NBAS: variants seen among roughly 807,000 people sequenced by gnomAD.
NBAS encodes the protein NBAS subunit of NRZ tethering complex.
NBAS carries 219 observed loss-of-function variants against 302.5 expected under a neutral mutation model. The observed-to-expected ratio is 0.72, with a 90% CI of 0.65 to 0.81. The LOEUF (loss-of-function observed/expected upper bound fraction) is 0.81, where lower values mean the gene tolerates loss of function less well. NBAS is among the 30% of genes least tolerant of loss of function. NBAS has a pLI of 0.00. For synonymous variants in NBAS, 1,118 were observed against 1,021.6 expected, an observed-to-expected ratio of 1.09 and a Z score of -1.80; for missense variants, 2,932 against 2,841.6, an observed-to-expected ratio of 1.03 and a Z score of -0.72.
intron 44 of NBAS, among the ~76,000 whole-genome samples, chr2:15,266,250 G>GT (rs1274343410): frequency 2.0e-5 from 3 of 152,154 alleles, no homozygotes; most frequent in African/African-American, 7.2e-5. Context: ...CCAGTCTCAG[G>GT]TATTTCTTCA....
chr2:15,007,518 C>G, the NBAS span, among the ~76,000 whole-genome samples: 1 of 151,988 alleles, frequency 6.6e-6, no homozygotes, highest in Non-Finnish European at 1.5e-5. Flanking sequence ...TCTTGTGGAG[C>G]TTTTTTGTTT....
chr2:15,383,174 T>C (rs748571973), intron 29 of NBAS, 41 bp downstream of exon 29: 2 of 1,456,170 alleles, frequency 1.4e-6, no homozygotes, highest in African/African-American at 1.6e-5. Flanking sequence ...ACAATTAAAA[T>C]TGTTAAATTA....
intron 19 of NBAS, among the ~76,000 whole-genome samples, chr2:15,466,093 T>C (rs903734880): frequency 5.3e-5 from 8 of 152,226 alleles, no homozygotes; most frequent in African/African-American, 1.7e-4. Flanking sequence ...GGTAATGATA[T>C]AGTCATTACC....
At chr2:14,956,324 CCCT>C in the NBAS span, among the ~76,000 whole-genome samples, 1 of 152,152 alleles carries the variant, frequency 6.6e-6, no homozygotes, top group Non-Finnish European at 1.5e-5. Flanking sequence ...GTCTTCTGAG[CCCT>C]CCAAGTCTCA....
At chr2:15,261,004 G>A (rs1334149007) in intron 44 of NBAS, among the ~76,000 whole-genome samples, 4 of 152,188 alleles carry the variant, frequency 2.6e-5, no homozygotes, top group Non-Finnish European at 4.4e-5. Flanking sequence ...ACCCACTAGT[G>A]AGTTATAACT....
chr2:14,847,201 G>A, the NBAS span, among the ~76,000 whole-genome samples: 1 of 151,868 alleles, frequency 6.6e-6, no homozygotes, highest in Non-Finnish European at 1.5e-5. Flanking sequence ...GGCTAACACA[G>A]TGAAACCCCG....
the NBAS span, among the ~76,000 whole-genome samples, chr2:14,872,840 G>A: frequency 6.6e-6 from 1 of 152,074 alleles, no homozygotes; most frequent in Non-Finnish European, 1.5e-5. Context: ...TTCGTGGTGA[G>A]CGTCTTACAG....
intron 28 of NBAS, among the ~76,000 whole-genome samples, chr2:15,385,345 C>A (rs1248721976): frequency 2.0e-5 from 3 of 152,296 alleles, no homozygotes; most frequent in African/African-American, 7.2e-5. Flanking sequence ...GATCTAGGCA[C>A]TGTCTAGCTG....
the NBAS span, among the ~76,000 whole-genome samples, chr2:14,794,391 T>G: frequency 1.3e-5 from 2 of 152,216 alleles, no homozygotes; most frequent in Non-Finnish European, 2.9e-5. Flanking sequence ...CTTTTATTAC[T>G]TTTTACTTAA....
At chr2:15,296,106 G>A (rs1207034750) in intron 40 of NBAS, among the ~76,000 whole-genome samples, 1 of 152,178 alleles carries the variant, frequency 6.6e-6, no homozygotes, top group Admixed American at 6.5e-5. Context: ...TAAGCCAAGA[G>A]TTTTGGGAAC....
the NBAS span, among the ~76,000 whole-genome samples, chr2:15,015,224 C>T: frequency 6.6e-6 from 1 of 150,434 alleles, no homozygotes; most frequent in Non-Finnish European, 1.5e-5. Context: ...AAAAGTAATA[C>T]TAATTATTCT....
the NBAS span, among the ~76,000 whole-genome samples, chr2:14,856,930 G>A: frequency 3.9e-5 from 6 of 152,078 alleles, no homozygotes; most frequent in Non-Finnish European, 8.8e-5. Flanking sequence ...AAAACCTAAA[G>A]ACTTCACAAG....
intron 35 of NBAS, among the ~76,000 whole-genome samples, chr2:15,347,196 T>C (rs1258749323): frequency 6.6e-6 from 1 of 152,186 alleles, no homozygotes; most frequent in Middle Eastern, 3.2e-3. Flanking sequence ...AACCTTAACA[T>C]ATTCCTTGTG....
At chr2:15,233,958 T>TGAGCGTCACG (rs1667483664) in intron 46 of NBAS, among the ~76,000 whole-genome samples, 3 of 152,262 alleles carry the variant, frequency 2.0e-5, no homozygotes, top group Admixed American at 2.0e-4. Context: ...CATTATTTCC[T>TGAGCGTCACG]GAGCGTCACT....
At chr2:15,202,696 C>T (rs1450260679) in intron 48 of NBAS, among the ~76,000 whole-genome samples, 7 of 152,090 alleles carry the variant, frequency 4.6e-5, no homozygotes, top group Non-Finnish European at 1.0e-4. Flanking sequence ...CCTGTTACCA[C>T]GCTGGGCTAA....
rs909928232 is a variant in NBAS at position 15,242,622 on chromosome 2, TA to T, written c.5725-3937del. Reference sequence around the variant, plus strand: ...AACAGAAGTAAAAGAAAGAAATGATTAAAAAAAAATGTACCAGAGTAAAAAA... The same window carrying T: ...AACAGAAGTAAAAGAAAGAAATGATTAAAAAAAATGTACCAGAGTAAAAAA... On this transcript the variant is annotated intron_variant, in intron 44 of 51. Transcript: ENST00000281513. Among the ~76,000 whole-genome samples, 12 of 150,582 alleles carry T rather than the reference TA, an allele frequency of 8.0e-5. No homozygotes were observed. The East Asian group carries it at 1.4e-3, about 17-fold the overall frequency.
intron 34 of NBAS, among the ~76,000 whole-genome samples, chr2:15,353,327 C>T (rs1018360610): frequency 5.3e-5 from 8 of 152,172 alleles, no homozygotes; most frequent in African/African-American, 1.7e-4. Context: ...TACTTTCTTT[C>T]TTTCTCAAGG....
At chr2:14,867,223 T>C in the NBAS span, among the ~76,000 whole-genome samples, 1 of 152,210 alleles carries the variant, frequency 6.6e-6, no homozygotes, top group Non-Finnish European at 1.5e-5. Flanking sequence ...CAATAAAATC[T>C]GCATTGAGCC....
At chr2:15,412,594 G>C (rs1371456571) in intron 25 of NBAS, among the ~76,000 whole-genome samples, 3 of 152,158 alleles carry the variant, frequency 2.0e-5, no homozygotes, top group Non-Finnish European at 4.4e-5. Flanking sequence ...GAAGCTCTGA[G>C]GTGCATTCTT....
Sources: allele counts gnomAD v4.1 joint callset (sites outside exome capture counted in the v4.1 genomes callset), GRCh38; gene constraint gnomAD v4.1.1; transcripts MANE v1.5; gene names NCBI Gene and HGNC (gene_info 2026-07-23, HGNC 2026-07-21).